The following RPTOR variants were observed in gnomAD, a reference collection of about 807,000 sequenced individuals.
RPTOR encodes regulatory-associated protein of mTOR.
RPTOR carries 21 observed loss-of-function variants against 169.9 expected under a neutral mutation model. That is an observed-to-expected ratio of 0.12 (90% CI 0.09 to 0.18). The LOEUF is 0.18. RPTOR is among the 10% of genes least tolerant of loss of function. The pLI is 1.00. For missense variants in RPTOR, 1,133 were observed against 1,855.9 expected (o/e 0.61, Z 7.16); for synonymous variants, 732 against 753.2 (o/e 0.97, Z 0.46).
intron 5 of RPTOR, among the ~76,000 whole-genome samples, chr17:80,734,632 C>T (rs2066419835): frequency 6.6e-6 from 1 of 152,170 alleles, no homozygotes; most frequent in Non-Finnish European, 1.5e-5. Flanking sequence ...GCTTTATCCT[C>T]ATGTTTGCAA....
chr17:80,941,763 C>T (rs1231064846), intron 25 of RPTOR: 2 of 152,288 alleles, frequency 1.3e-5, no homozygotes, highest in African/African-American at 2.4e-5. Flanking sequence ...CTGCCAAAGC[C>T]GAGGGCCCTG....
At chr17:80,620,970 T>G (rs2065349786) in intron 1 of RPTOR, among the ~76,000 whole-genome samples, 1 of 152,246 alleles carries the variant, frequency 6.6e-6, no homozygotes, top group Admixed American at 6.5e-5. Flanking sequence ...GTGCTTTTCT[T>G]GTTTTCTTTA....
chr17:80,765,826 G>C (rs1008153675), intron 6 of RPTOR, among the ~76,000 whole-genome samples: 1 of 152,096 alleles, frequency 6.6e-6, no homozygotes, highest in Non-Finnish European at 1.5e-5. Context: ...CTTACTTAAC[G>C]TGGTAAAGGC....
chr17:80,616,543 T>C (rs1265022039), intron 1 of RPTOR, among the ~76,000 whole-genome samples: 1 of 152,180 alleles, frequency 6.6e-6, no homozygotes, highest in Non-Finnish European at 1.5e-5. Context: ...GTGATCTGCC[T>C]GCTTCGGCCT....
chr17:80,693,915 G>A (rs777566658), intron 3 of RPTOR, among the ~76,000 whole-genome samples: 6 of 152,214 alleles, frequency 3.9e-5, no homozygotes, highest in Non-Finnish European at 7.3e-5. Context: ...GGTCCGGAGC[G>A]TCCACGCAGC....
chr17:80,686,568 A>T (rs1299932526), intron 3 of RPTOR, among the ~76,000 whole-genome samples: 1 of 152,000 alleles, frequency 6.6e-6, no homozygotes, highest in Non-Finnish European at 1.5e-5. Flanking sequence ...GCCTTTCGGG[A>T]CTCATTGGTA....
chr17:80,814,226 G>A (rs1450634423), intron 7 of RPTOR, among the ~76,000 whole-genome samples: 2 of 152,076 alleles, frequency 1.3e-5, no homozygotes, highest in African/African-American at 4.8e-5. Flanking sequence ...TAAAAAAAGG[G>A]GGGAAAAGTT....
intron 3 of RPTOR, among the ~76,000 whole-genome samples, chr17:80,674,367 T>G (rs1839213952): frequency 1.3e-5 from 2 of 152,224 alleles, no homozygotes; most frequent in Admixed American, 1.3e-4. Flanking sequence ...GACCCCACTG[T>G]TTTCCTTTAA....
intron 1 of RPTOR, among the ~76,000 whole-genome samples, chr17:80,573,574 G>T (rs947434838): frequency 2.0e-5 from 3 of 152,144 alleles, no homozygotes. Context: ...TATTTGGTAG[G>T]TATATAAGAG....
At position 80,961,398 on chromosome 17, in the gene RPTOR, G is replaced by A. The variant is rs773251080; in HGVS notation, c.3610G>A (p.Val1204Ile). 1.3e-4 allele frequency: 199 copies of A among 1,548,684 alleles called. No homozygotes were observed. Among genetic ancestry groups the A allele is most frequent in the Non-Finnish European group, 1.6e-4 (186 of 1,147,258 alleles). Residue 1204 changes from valine to isoleucine, a missense_variant, in exon 31 of 34, where the codon GTC (valine) becomes ATC (isoleucine). Transcript: ENST00000306801. Reference sequence around the variant, plus strand: ...AGCGTGCCCCCTCCCCTACAGCCGCGTCATGACGTACCGGGAGCACACAGC... The same window carrying A: ...AGCGTGCCCCCTCCCCTACAGCCGCATCATGACGTACCGGGAGCACACAGC... ...DRRMALSECRVMTYREHTAWV... is the reference protein window; with the variant it reads ...DRRMALSECRIMTYREHTAWV...
At chr17:80,843,842 C>T (rs544482768) in intron 10 of RPTOR, among the ~76,000 whole-genome samples, 5 of 152,192 alleles carry the variant, frequency 3.3e-5, no homozygotes, top group South Asian at 2.1e-4. Flanking sequence ...GCCTCTCAGC[C>T]GGCCTTCCCA....
chr17:80,797,378 C>A (rs1034389063), intron 7 of RPTOR, among the ~76,000 whole-genome samples: 1 of 152,206 alleles, frequency 6.6e-6, no homozygotes, highest in Non-Finnish European at 1.5e-5. Flanking sequence ...AAACTCCTGA[C>A]CTCAGATGAT....
At chr17:80,832,759 G>A (rs943017243) in intron 9 of RPTOR, among the ~76,000 whole-genome samples, 1 of 152,090 alleles carries the variant, frequency 6.6e-6, no homozygotes. Flanking sequence ...CTCATCAATA[G>A]ACCAAAGTGT....
rs1328925568 is a variant in RPTOR at position 80,730,091 on chromosome 17, GTGGAGAAATTCAGTTTGA to G, written c.508-465_508-448del. ...GGAGTAAAGCAGCATCAGAGGAGAT[GTGGAGAAATTCAGTTTGA>G]TGGTTTTTGTTTTTTGAGACTGAGT... On this transcript the variant is annotated intron_variant, in intron 4 of 33. Coordinates refer to ENST00000306801, the MANE Select transcript of RPTOR (RefSeq NM_020761.3). The surrounding 1 kb of genome is among the most constrained non-coding windows in gnomAD (Gnocchi z 4.2). Among the ~76,000 whole-genome samples, 6 of 152,200 alleles carry G rather than the reference GTGGAGAAATTCAGTTTGA, an allele frequency of 3.9e-5. No individual in the cohort carries two copies. Among genetic ancestry groups the G allele is most frequent in the African/African-American group, 1.2e-4 (5 of 41,458 alleles).
intron 13 of RPTOR, among the ~76,000 whole-genome samples, chr17:80,864,571 A>T (rs2067965585): frequency 6.6e-6 from 1 of 152,218 alleles, no homozygotes; most frequent in African/African-American, 2.4e-5. Flanking sequence ...AATGGAGGCA[A>T]AATAAAGACT....
At chr17:80,686,915 C>T (rs374647848) in intron 3 of RPTOR, among the ~76,000 whole-genome samples, 28 of 152,276 alleles carry the variant, frequency 1.8e-4, no homozygotes, top group Non-Finnish European at 1.3e-4. Flanking sequence ...AGATGCCATG[C>T]GAGTTAAAAT....
chr17:80,853,834 A>G (rs1200661943), intron 11 of RPTOR, among the ~76,000 whole-genome samples: 2 of 152,114 alleles, frequency 1.3e-5, no homozygotes, highest in African/African-American at 4.8e-5. Context: ...AAAATAAATT[A>G]GCCGGTCATG....
rs112384357 is a variant in RPTOR, at chr17:80,778,692, G to A, written c.831-12758G>A. Among the ~76,000 whole-genome samples, 1,424 of 152,204 alleles carry A rather than the reference G, an allele frequency of 9.4e-3. 20 individuals are homozygous for A. The highest frequency in any genetic ancestry group is 0.031 in the African/African-American group (1,297 of 41,522). ...GGTGCGCCTATGGTCCCAGCTTCTC[G>A]GGAGAAGGAGGCAGGAGGATGACTA... is the stretch of plus-strand genomic sequence containing the variant. On this transcript the variant is annotated intron_variant, in intron 6 of 33. Coordinates refer to ENST00000306801, the MANE Select transcript of RPTOR (RefSeq NM_020761.3).
chr17:80,852,402 G>A (rs1598353594), intron 11 of RPTOR, among the ~76,000 whole-genome samples: 2 of 152,012 alleles, frequency 1.3e-5, no homozygotes, highest in South Asian at 4.2e-4. Flanking sequence ...AGTGGCATGC[G>A]ACAGCCCCCG....
Sources: gnomAD v4.1 joint callset for allele counts (sites outside exome capture counted in the v4.1 genomes callset) on GRCh38, gnomAD v4.1.1 for gene constraint, Gnocchi (gnomAD v3.1) non-coding constraint, MANE v1.5 for transcripts, NCBI Gene and HGNC (gene_info 2026-07-23, HGNC 2026-07-21) for gene names.